REG4: variants seen among roughly 807,000 people sequenced by gnomAD.
REG4 encodes regenerating family member 4.
Under a neutral mutation model 22.3 loss-of-function variants are expected in REG4, and 16 were observed. That is an observed-to-expected ratio of 0.72 (90% CI 0.49 to 1.09). The LOEUF is 1.09. Among genes scored for constraint, REG4 ranks in the 50% least tolerant of loss-of-function variants. REG4 has a pLI of 0.00. For synonymous variants in REG4, 71 were observed against 69.2 expected, an observed-to-expected ratio of 1.03 and a Z score of -0.13; for missense variants, 214 against 193.9, an observed-to-expected ratio of 1.10 and a Z score of -0.61.
chr1:119,805,016 A>G (rs1654253816), intron 2 of REG4, among the ~76,000 whole-genome samples: 1 of 152,200 alleles, frequency 6.6e-6, no homozygotes, highest in African/African-American at 2.4e-5. Context: ...CCACGGTCAC[A>G]CAGTAAGATG....
In REG4 at chr1:119,797,925, C is replaced by A. The variant is rs1196599105; in HGVS notation, c.409+572G>T. 2.0e-5 allele frequency among the ~76,000 whole-genome samples: 3 copies of A among 152,184 alleles called. No homozygotes were observed. The East Asian group carries it at 5.8e-4, about 29-fold the overall frequency. On this transcript the variant is annotated intron_variant, in intron 5 of 5. Coordinates refer to ENST00000256585, the MANE Select transcript of REG4 (RefSeq NM_032044.4). ...AGTATGAATGCTGAAAAGTCTAACT[C>A]ATGAGCATAAAGACAAAGAATGAAA...
intron 2 of REG4, among the ~76,000 whole-genome samples, chr1:119,805,190 T>C (rs891631958): frequency 1.2e-4 from 18 of 152,198 alleles, no homozygotes; most frequent in African/African-American, 4.3e-4. Flanking sequence ...ATCCTTGCAC[T>C]TTACGTAAAA....
intron 2 of REG4, among the ~76,000 whole-genome samples, chr1:119,807,888 T>A (rs879451806): frequency 1.3e-5 from 2 of 152,132 alleles, no homozygotes; most frequent in Non-Finnish European, 2.9e-5. Flanking sequence ...AAGTAACAGA[T>A]AGCACTGGTC....
intron 4 of REG4, among the ~76,000 whole-genome samples, chr1:119,799,415 C>T (rs891691271): frequency 0.015 from 26 of 1,700 alleles, no homozygotes; most frequent in African/African-American, 0.067. Context: ...TGCGTACACA[C>T]ACACACACAC....
intron 2 of REG4, 94 bp downstream of exon 2, chr1:119,808,609 C>T: frequency 3.4e-6 from 3 of 881,236 alleles, no homozygotes; most frequent in Non-Finnish European, 5.5e-6. Flanking sequence ...TCCTGCAGTT[C>T]CTAAATGTTT....
chr1:119,804,542 T>C (rs1654231940), intron 2 of REG4, among the ~76,000 whole-genome samples: 2 of 152,248 alleles, frequency 1.3e-5, no homozygotes, highest in Admixed American at 6.5e-5. Flanking sequence ...TCAGTGAGTA[T>C]GTCAAATATA....
At position 119,804,390 on chromosome 1, in the gene REG4, C is replaced by T. The variant is rs139178366; in HGVS notation, c.68-1225G>A. On this transcript the variant is annotated intron_variant, in intron 2 of 5. Transcript: ENST00000256585. ...AACCTGGTTGTATGCCCCTATCCAGCCACATCCTTCTATGCCATAGTCCCA... is the reference window on the plus strand; with the variant it reads ...AACCTGGTTGTATGCCCCTATCCAGTCACATCCTTCTATGCCATAGTCCCA... Among the ~76,000 whole-genome samples, 468 of 152,292 alleles carry T rather than the reference C, an allele frequency of 3.1e-3. 2 individuals are homozygous for T. Among genetic ancestry groups the T allele is most frequent in the Middle Eastern group, 6.8e-3 (2 of 294 alleles).
intron 5 of REG4, among the ~76,000 whole-genome samples, chr1:119,798,101 A>C (rs187733292): frequency 6.6e-6 from 1 of 152,332 alleles, no homozygotes; most frequent in East Asian, 1.9e-4. Flanking sequence ...GCAAACCCTC[A>C]TTTTAAAGAA....
chr1:119,794,824 G>T, intron 5 of REG4, 139 bp from the exon 6 acceptor site: 1 of 755,660 alleles, frequency 1.3e-6, no homozygotes. Flanking sequence ...AGACTATGAT[G>T]TACAGTTGTT....
chr1:119,810,219 G>A (rs587758730), intron 1 of REG4, among the ~76,000 whole-genome samples: 19 of 151,964 alleles, frequency 1.3e-4, no homozygotes, highest in African/African-American at 4.1e-4. Context: ...GTCACATAAG[G>A]TTAAAATATT....
At chr1:119,806,213 A>G (rs1571071297) in intron 2 of REG4, among the ~76,000 whole-genome samples, 1 of 152,248 alleles carries the variant, frequency 6.6e-6, no homozygotes, top group South Asian at 2.1e-4. Context: ...AAGTTCTGGG[A>G]TTACAGGCCT....
At chr1:119,797,628 T>C (rs956529641) in intron 5 of REG4, among the ~76,000 whole-genome samples, 1 of 152,194 alleles carries the variant, frequency 6.6e-6, no homozygotes, top group Non-Finnish European at 1.5e-5. Flanking sequence ...TTCTCAAGTA[T>C]ACGACCTTTG....
chr1:119,808,783 T>G lies in REG4; in HGVS notation c.-14A>C, dbSNP rs779921882. Reference sequence around the variant, plus strand: ...TCTGGAAGCCATCTTCCTCCTACCCTGAGGATGTAGCTAGTGCAAGGATCT... The same window carrying G: ...TCTGGAAGCCATCTTCCTCCTACCCGGAGGATGTAGCTAGTGCAAGGATCT... On this transcript the variant is annotated 5_prime_UTR_variant, in exon 2 of 6. Transcript: ENST00000256585. The G allele has an allele frequency of 6.2e-7, 1 of 1,602,924 alleles. No individual in the cohort carries two copies. Among genetic ancestry groups the G allele is most frequent in the Admixed American group, 1.7e-5 (1 of 59,896 alleles).
intron 3 of REG4, chr1:119,802,594 G>A (rs1772387): frequency 0.01 from 12,880 of 1,241,652 alleles, 244 homozygotes; most frequent in African/African-American, 0.079. Flanking sequence ...ACAGGTTTGT[G>A]GACTGTGTAG....
intron 2 of REG4, among the ~76,000 whole-genome samples, chr1:119,808,203 G>T (rs1197319251): frequency 2.6e-5 from 4 of 152,056 alleles, no homozygotes; most frequent in Non-Finnish European, 4.4e-5. Flanking sequence ...TTTCTCTATT[G>T]GTGGATTCTA....
At chr1:119,795,682 G>A (rs1653917331) in intron 5 of REG4, among the ~76,000 whole-genome samples, 2 of 152,190 alleles carry the variant, frequency 1.3e-5, no homozygotes, top group South Asian at 2.1e-4. Flanking sequence ...GGAGAGGAGG[G>A]GGTGAGGTGT....
At chr1:119,799,320 T>TA (rs150349494) in intron 4 of REG4, among the ~76,000 whole-genome samples, 2 of 149,924 alleles carry the variant, frequency 1.3e-5, no homozygotes, top group African/African-American at 4.9e-5. Context: ...TTACAGCATC[T>TA]AAAAAAAAAG....
chr1:119,802,644 C>A, intron 3 of REG4: 1 of 1,363,892 alleles, frequency 7.3e-7, no homozygotes, highest in East Asian at 2.8e-5. Flanking sequence ...GACTGCTTCA[C>A]CTTCTGTCAG....
chr1:119,800,084 G>T lies in REG4; in HGVS notation c.166-222C>A, dbSNP rs77576825. On this transcript the variant is annotated intron_variant, in intron 3 of 5. Coordinates refer to ENST00000256585, the MANE Select transcript of REG4 (RefSeq NM_032044.4). Reference sequence around the variant, plus strand: ...GAGGCAGTACAAGGCCAGGGCAAGAGATTTAGGGTCTGAGGACGTGCCCGG... The same window carrying T: ...GAGGCAGTACAAGGCCAGGGCAAGATATTTAGGGTCTGAGGACGTGCCCGG... Among the ~76,000 whole-genome samples, 25 of 152,298 alleles carry T rather than the reference G, an allele frequency of 1.6e-4. No individual in the cohort carries two copies. In the East Asian group the frequency reaches 4.8e-3, roughly 29 times the overall value.
Sources: gnomAD v4.1 joint callset for allele counts (sites outside exome capture counted in the v4.1 genomes callset) on GRCh38, gnomAD v4.1.1 for gene constraint, MANE v1.5 for transcripts, NCBI Gene and HGNC (gene_info 2026-07-23, HGNC 2026-07-21) for gene names.